Variants in CCDC192 observed in about 807,000 individuals in gnomAD.
The protein encoded by CCDC192 is coiled-coil domain-containing protein 192.
intron 3 of CCDC192, among the ~76,000 whole-genome samples, chr5:127,767,819 G>T (rs1381854877): frequency 6.6e-6 from 1 of 152,096 alleles, no homozygotes; most frequent in African/African-American, 2.4e-5. Flanking sequence ...CTTTATTAAG[G>T]ATAATTTTCC....
chr5:127,888,380 C>T (rs1752635423), intron 6 of CCDC192, among the ~76,000 whole-genome samples: 1 of 151,792 alleles, frequency 6.6e-6, no homozygotes. Context: ...TGCGCCACTG[C>T]ACTCCAGCCT....
chr5:127,724,057 A>G (rs749249719), intron 2 of CCDC192, among the ~76,000 whole-genome samples: 29 of 152,236 alleles, frequency 1.9e-4, no homozygotes, highest in Non-Finnish European at 3.8e-4. Context: ...GAATGAGGTT[A>G]TGCATTAACA....
Position 127,711,285 on chromosome 5 carries a change from A to G in CCDC192, c.114+3525A>G, listed in dbSNP as rs572519399. ...AACTAGGCTTATTATAAAATCCCAT[A>G]AGCCCTTTAGCTTTCAAGTAGTAAT... On this transcript the variant is annotated intron_variant, in intron 2 of 6. Coordinates refer to ENST00000514853, the MANE Select transcript of CCDC192 (RefSeq NM_001317938.2). Among the ~76,000 whole-genome samples, 302 of 152,318 alleles carry G rather than the reference A, an allele frequency of 2.0e-3. 3 individuals are homozygous for G. Among genetic ancestry groups the G allele is most frequent in the Middle Eastern group, 3.4e-3 (1 of 294 alleles).
intron 2 of CCDC192, among the ~76,000 whole-genome samples, chr5:127,744,055 C>G (rs1276298187): frequency 3.5e-5 from 5 of 143,406 alleles, no homozygotes; most frequent in Non-Finnish European, 7.5e-5. Flanking sequence ...GGTTGCGCCA[C>G]TGCACTCCAG....
At chr5:127,889,389 C>A (rs970043117) in intron 6 of CCDC192, among the ~76,000 whole-genome samples, 8 of 142,454 alleles carry the variant, frequency 5.6e-5, no homozygotes, top group African/African-American at 2.1e-4. Flanking sequence ...TTTTCCTTTT[C>A]TTTTCTTTTC....
intron 2 of CCDC192, chr5:127,739,795 A>G (rs1753293792): frequency 6.5e-6 from 1 of 153,420 alleles, no homozygotes; most frequent in East Asian, 1.9e-4. Context: ...CGGCTCGCGC[A>G]TGGTGTGCGC....
intron 3 of CCDC192, chr5:127,786,930 G>T: frequency 2.4e-6 from 1 of 410,754 alleles, no homozygotes; most frequent in Non-Finnish European, 4.7e-6. Flanking sequence ...TCTGGACCTG[G>T]TCATGCTGTG....
intron 6 of CCDC192, among the ~76,000 whole-genome samples, chr5:127,903,065 CA>C (rs1019995474): frequency 6.6e-5 from 10 of 152,112 alleles, no homozygotes. Context: ...ATCTGTCTCC[CA>C]ACCCTGATTT....
intron 6 of CCDC192, among the ~76,000 whole-genome samples, chr5:127,923,667 G>T (rs1298162733): frequency 6.6e-6 from 1 of 152,182 alleles, no homozygotes; most frequent in Non-Finnish European, 1.5e-5. Flanking sequence ...GTGAGCCTCC[G>T]CGCCCGGCCT....
At chr5:127,923,214 G>T (rs1753771429) in intron 6 of CCDC192, among the ~76,000 whole-genome samples, 1 of 152,056 alleles carries the variant, frequency 6.6e-6, no homozygotes, top group Non-Finnish European at 1.5e-5. Flanking sequence ...ATTGAAATTT[G>T]GTATAAAGAA....
intron 5 of CCDC192, among the ~76,000 whole-genome samples, chr5:127,839,416 A>C (rs1750180294): frequency 6.6e-6 from 1 of 152,258 alleles, no homozygotes; most frequent in Non-Finnish European, 1.5e-5. Context: ...AATGTACATA[A>C]GAAAACAAAA....
chr5:127,883,674 T>TTTATTG (rs1752442011), intron 6 of CCDC192, among the ~76,000 whole-genome samples: 1 of 152,178 alleles, frequency 6.6e-6, no homozygotes, highest in Non-Finnish European at 1.5e-5. Context: ...GCACAGAAGA[T>TTTATTG]CTCAGGAAAT....
intron 3 of CCDC192, among the ~76,000 whole-genome samples, chr5:127,792,863 C>G (rs1314222258): frequency 6.6e-6 from 1 of 151,844 alleles, no homozygotes; most frequent in Non-Finnish European, 1.5e-5. Context: ...AATAAGAATA[C>G]AAATTGTGGA....
At chr5:127,806,645 C>T (rs1757800649) in intron 5 of CCDC192, among the ~76,000 whole-genome samples, 2 of 152,114 alleles carry the variant, frequency 1.3e-5, no homozygotes. Context: ...GTTACAATCC[C>T]TATTTACTTG....
At chr5:127,742,530 G>T (rs2126843469) in intron 2 of CCDC192, among the ~76,000 whole-genome samples, 1 of 152,194 alleles carries the variant, frequency 6.6e-6, no homozygotes, top group Non-Finnish European at 1.5e-5. Flanking sequence ...CTCTAGTTCT[G>T]GAAAGGTCAC....
At chr5:127,935,870 C>T (rs1286184889) in intron 6 of CCDC192, among the ~76,000 whole-genome samples, 10 of 152,052 alleles carry the variant, frequency 6.6e-5, no homozygotes, top group African/African-American at 1.7e-4. Context: ...TTTGGGAGGC[C>T]GAGGCAGGTG....
At chr5:127,929,591 AT>A (rs1753961895) in intron 6 of CCDC192, among the ~76,000 whole-genome samples, 1 of 152,206 alleles carries the variant, frequency 6.6e-6, no homozygotes, top group Non-Finnish European at 1.5e-5. Flanking sequence ...TACAACGCCC[AT>A]TCCTCTGCAC....
intron 6 of CCDC192, among the ~76,000 whole-genome samples, chr5:127,916,626 T>C (rs535203949): frequency 6.2e-4 from 94 of 152,362 alleles, no homozygotes; most frequent in African/African-American, 1.4e-3. Context: ...CTTGTACATC[T>C]CTACCAAAAC....
chr5:127,729,681 C>T (rs952752159), intron 2 of CCDC192, among the ~76,000 whole-genome samples: 4 of 152,150 alleles, frequency 2.6e-5, no homozygotes, highest in Non-Finnish European at 5.9e-5. Flanking sequence ...TCCCAGACCA[C>T]AGCACAATCA....
Sources: gnomAD v4.1 joint callset for allele counts (sites outside exome capture counted in the v4.1 genomes callset) on GRCh38, gnomAD v4.1.1 for gene constraint, MANE v1.5 for transcripts, NCBI Gene and HGNC (gene_info 2026-07-23, HGNC 2026-07-21) for gene names.